Variants in FAM135B observed in about 807,000 individuals in gnomAD.
FAM135B encodes the protein family with sequence similarity 135 member B.
In FAM135B, 43 loss-of-function variants were observed where a neutral mutation model predicts 127.7. The observed-to-expected ratio is 0.34, with a 90% confidence interval of 0.26 to 0.43. The LOEUF (loss-of-function observed/expected upper bound fraction) is 0.43, where lower values mean the gene tolerates loss of function less well. Among genes scored for constraint, FAM135B ranks in the 20% least tolerant of loss-of-function variants. FAM135B has a pLI of 1.00. For missense variants in FAM135B, 1,558 were observed against 1,725.6 expected (o/e 0.90, Z 1.72); for synonymous variants, 670 against 665.1 (o/e 1.01, Z -0.11).
chr8:138,307,146 TG>T (rs1826323066), intron 3 of FAM135B, among the ~76,000 whole-genome samples: 1 of 152,276 alleles, frequency 6.6e-6, no homozygotes, highest in Non-Finnish European at 1.5e-5. Flanking sequence ...AGGGACCCAG[TG>T]GGAGGTAACT....
At chr8:138,373,261 T>C (rs1241092380) in intron 1 of FAM135B, among the ~76,000 whole-genome samples, 1 of 152,146 alleles carries the variant, frequency 6.6e-6, no homozygotes, top group Admixed American at 6.6e-5. Context: ...GAAGATTTCA[T>C]GGACATTTAT....
intron 7 of FAM135B, among the ~76,000 whole-genome samples, chr8:138,211,124 G>A (rs1818109252): frequency 6.6e-6 from 1 of 152,148 alleles, no homozygotes; most frequent in Non-Finnish European, 1.5e-5. Context: ...AACAGATCAG[G>A]CTATTCTAAG....
intron 2 of FAM135B, among the ~76,000 whole-genome samples, chr8:138,329,473 A>T (rs1828022961): frequency 6.6e-6 from 1 of 152,228 alleles, no homozygotes. Flanking sequence ...TTCCTCATCA[A>T]TCAAATCTTT....
intron 9 of FAM135B, among the ~76,000 whole-genome samples, chr8:138,191,980 G>A (rs866133639): frequency 3.3e-5 from 5 of 152,344 alleles, no homozygotes; most frequent in East Asian, 1.9e-4. Flanking sequence ...AGGGCTCAGC[G>A]TCACAGGGAC....
chr8:138,217,520 T>C (rs1818651744), intron 7 of FAM135B, among the ~76,000 whole-genome samples: 1 of 147,470 alleles, frequency 6.8e-6, no homozygotes, highest in Admixed American at 7.0e-5. Flanking sequence ...AAGCTCCGCC[T>C]CCCAGGTTCA....
chr8:138,340,553 C>T (rs570841138), intron 2 of FAM135B, among the ~76,000 whole-genome samples: 78 of 152,272 alleles, frequency 5.1e-4, no homozygotes, highest in Middle Eastern at 3.4e-3. Context: ...GAGGGCCAGG[C>T]TCCAGCACCC....
intron 1 of FAM135B, among the ~76,000 whole-genome samples, chr8:138,425,203 T>C (rs1834770736): frequency 6.6e-6 from 1 of 152,190 alleles, no homozygotes; most frequent in African/African-American, 2.4e-5. Flanking sequence ...TCCTGAGTAT[T>C]ATATACATGG....
Position 138,236,354 on chromosome 8 carries a change from C to T in FAM135B, c.669+6588G>A, listed in dbSNP as rs540838463. On this transcript the variant is annotated intron_variant, in intron 7 of 19. Transcript: ENST00000395297. The stretch of plus-strand genomic sequence containing the variant: ...CACAAAAGCCAAAATATGGAAACCA[C>T]TTAAATGTCCATCAATGAATAAATG... Among the ~76,000 whole-genome samples, 7 of 152,012 alleles carry T rather than the reference C, an allele frequency of 4.6e-5. No individual in the cohort carries two copies. The South Asian group carries it at 1.0e-3, about 23-fold the overall frequency.
chr8:138,221,991 A>G (rs1185229892), intron 7 of FAM135B, among the ~76,000 whole-genome samples: 1 of 152,236 alleles, frequency 6.6e-6, no homozygotes, highest in Non-Finnish European at 1.5e-5. Flanking sequence ...ATCAATCAGT[A>G]GAAACTAATT....
At chr8:138,335,452 C>T (rs1252329943) in intron 2 of FAM135B, among the ~76,000 whole-genome samples, 1 of 152,162 alleles carries the variant, frequency 6.6e-6, no homozygotes, top group Admixed American at 6.5e-5. Flanking sequence ...GCAGGGGTTG[C>T]AATCCTAGTC....
chr8:138,266,353 CT>C (rs1822922338), intron 3 of FAM135B, among the ~76,000 whole-genome samples: 1 of 151,984 alleles, frequency 6.6e-6, no homozygotes, highest in African/African-American at 2.4e-5. Context: ...TGTGCTAATC[CT>C]ATTATGCTGT....
At chr8:138,358,172 T>G (rs555462531) in intron 2 of FAM135B, among the ~76,000 whole-genome samples, 2 of 152,220 alleles carry the variant, frequency 1.3e-5, no homozygotes, top group Admixed American at 6.5e-5. Context: ...TCTGCCCCCA[T>G]GATTCAATTA....
At chr8:138,426,010 T>TATATAC (rs1563992442) in intron 1 of FAM135B, among the ~76,000 whole-genome samples, 7 of 16,190 alleles carry the variant, frequency 4.3e-4, no homozygotes, top group East Asian at 2.1e-3. Context: ...TATATATATA[T>TATATAC]ATACACACAC....
chr8:138,335,911 A>T (rs1292925011), intron 2 of FAM135B, among the ~76,000 whole-genome samples: 2 of 152,252 alleles, frequency 1.3e-5, no homozygotes, highest in Non-Finnish European at 2.9e-5. Flanking sequence ...ACTGTCTCTC[A>T]GACCACAGTG....
intron 8 of FAM135B, among the ~76,000 whole-genome samples, chr8:138,197,109 GTGTGTGTGTA>G (rs768905700): frequency 5.6e-4 from 24 of 42,564 alleles, no homozygotes; most frequent in African/African-American, 1.5e-3. Context: ...GTGTGTGTGT[GTGTGTGTGTA>G]TATATATAGT....
intron 7 of FAM135B, among the ~76,000 whole-genome samples, chr8:138,234,053 G>A (rs1159612615): frequency 6.6e-6 from 1 of 152,104 alleles, no homozygotes; most frequent in Non-Finnish European, 1.5e-5. Flanking sequence ...AAGGAGCAAG[G>A]CATCAGAAGG....
intron 2 of FAM135B, among the ~76,000 whole-genome samples, chr8:138,343,969 C>T (rs1275528986): frequency 6.6e-6 from 1 of 152,080 alleles, no homozygotes; most frequent in Non-Finnish European, 1.5e-5. Context: ...TGCAGATCTT[C>T]GAGGCTTGTG....
At chr8:138,172,157 C>A (rs188254057) in intron 11 of FAM135B, among the ~76,000 whole-genome samples, 104 of 152,338 alleles carry the variant, frequency 6.8e-4, no homozygotes, top group African/African-American at 2.5e-3. Flanking sequence ...ATTAAGCAAA[C>A]TGCAGGGAGA....
At position 138,169,974 on chromosome 8, in the gene FAM135B, T is replaced by C. The variant is rs191183937; in HGVS notation, c.1104-1925A>G. Reference sequence around the variant, plus strand: ...AAAACTGACTGAAAATGCTAAAGGGTACATAGGAATCAGCGCCTATCTCTG... The same window carrying C: ...AAAACTGACTGAAAATGCTAAAGGGCACATAGGAATCAGCGCCTATCTCTG... On this transcript the variant is annotated intron_variant, in intron 11 of 19. Transcript: ENST00000395297. Among the ~76,000 whole-genome samples, 40 of 152,196 alleles carry C rather than the reference T, an allele frequency of 2.6e-4. No homozygotes were observed. In the East Asian group the frequency reaches 7.7e-3, roughly 29 times the overall value.
Sources: allele counts gnomAD v4.1 joint callset (sites outside exome capture counted in the v4.1 genomes callset), GRCh38; gene constraint gnomAD v4.1.1; transcripts MANE v1.5; gene names NCBI Gene and HGNC (gene_info 2026-07-23, HGNC 2026-07-21).